ATG2B: variants seen among roughly 807,000 people sequenced by gnomAD.
The protein encoded by ATG2B is autophagy-related protein 2 homolog B.
In ATG2B, 121 loss-of-function variants were observed where a neutral mutation model predicts 241.3. That is an observed-to-expected ratio of 0.50 (90% CI 0.43 to 0.58). The LOEUF (loss-of-function observed/expected upper bound fraction) is 0.58. Ranked by LOEUF, ATG2B falls within the 20% of genes least tolerant of loss-of-function variation. ATG2B has a pLI of 0.00. For missense variants in ATG2B, 2,306 were observed against 2,491.6 expected (o/e 0.93, Z 1.59); for synonymous variants, 858 against 876.6 (o/e 0.98, Z 0.37).
chr14:96,341,114 C>T (rs1026118032), intron 6 of ATG2B, among the ~76,000 whole-genome samples: 2 of 152,052 alleles, frequency 1.3e-5, no homozygotes. Context: ...ATTATAAAAA[C>T]ATCTTCTACA....
chr14:96,295,762 C>A (rs1487885637), intron 34 of ATG2B, among the ~76,000 whole-genome samples: 1 of 151,230 alleles, frequency 6.6e-6, no homozygotes, highest in Non-Finnish European at 1.5e-5. Flanking sequence ...CAGATACACA[C>A]TTCCCTTTTA....
At chr14:96,325,282 A>C (rs887766767) in intron 15 of ATG2B, among the ~76,000 whole-genome samples, 1 of 152,198 alleles carries the variant, frequency 6.6e-6, no homozygotes, top group Non-Finnish European at 1.5e-5. Context: ...GACTAAAAAA[A>C]CAAGAAAATG....
At chr14:96,287,587 A>G (rs762244130) in intron 41 of ATG2B, among the ~76,000 whole-genome samples, 1 of 152,208 alleles carries the variant, frequency 6.6e-6, no homozygotes, top group Non-Finnish European at 1.5e-5. Context: ...CCTTCCTCCT[A>G]CGGTGATTGT....
chr14:96,328,293 AC>A lies in ATG2B; in HGVS notation c.2163+53del, dbSNP rs1887635791. 3 of 1,244,732 alleles carry A rather than the reference AC, an allele frequency of 2.4e-6. No individual in the cohort carries two copies. In the Admixed American group the frequency reaches 6.5e-5, roughly 27 times the overall value. The allele number at this position is 1,244,732 out of a possible 1,614,324, so 77.1% of individuals were successfully genotyped here. On this transcript the variant is annotated intron_variant, in intron 14 of 41. Coordinates refer to ENST00000359933, the MANE Select transcript of ATG2B (RefSeq NM_018036.7). ...CTTAAGTTCAGAAATTATCTCAATAACCCTATTAGCTAACCATAATTATGAT... is the reference window on the plus strand; with the variant it reads ...CTTAAGTTCAGAAATTATCTCAATAACCTATTAGCTAACCATAATTATGAT...
At chr14:96,291,980 A>G (rs777320742) in intron 37 of ATG2B, 49 bp downstream of exon 37, 4 of 1,266,822 alleles carry the variant, frequency 3.2e-6, no homozygotes, top group Non-Finnish European at 4.5e-6. Flanking sequence ...CGAGCTCATT[A>G]GAGAAACATA....
intron 1 of ATG2B, among the ~76,000 whole-genome samples, chr14:96,359,165 A>T (rs1223019397): frequency 6.6e-6 from 1 of 152,042 alleles, no homozygotes; most frequent in Non-Finnish European, 1.5e-5. Flanking sequence ...TGAGTCCAGG[A>T]GTTCAAGACC....
At chr14:96,304,389 C>T (rs1886874741) in intron 32 of ATG2B, 106 bp downstream of exon 32, 1 of 732,748 alleles carries the variant, frequency 1.4e-6, no homozygotes, top group Admixed American at 2.4e-5. Context: ...CTTTTCCAAT[C>T]CAAAGGGTTG....
intron 14 of ATG2B, among the ~76,000 whole-genome samples, chr14:96,326,149 TA>T (rs761993658): frequency 6.6e-6 from 1 of 152,052 alleles, no homozygotes; most frequent in Non-Finnish European, 1.5e-5. Flanking sequence ...AACTCTGAAA[TA>T]AAAAATTAAA....
chr14:96,330,553 C>A (rs961132855), intron 11 of ATG2B, among the ~76,000 whole-genome samples: 1 of 152,030 alleles, frequency 6.6e-6, no homozygotes, highest in Admixed American at 6.5e-5. Context: ...CACTGGAGGG[C>A]AGGAGTTCGA....
At chr14:96,321,886 C>T (rs1887465895) in intron 18 of ATG2B, among the ~76,000 whole-genome samples, 1 of 152,130 alleles carries the variant, frequency 6.6e-6, no homozygotes, top group Non-Finnish European at 1.5e-5. Flanking sequence ...CAGCCAACCT[C>T]AGGGCTGAGG....
intron 18 of ATG2B, among the ~76,000 whole-genome samples, chr14:96,319,276 G>A (rs993083569): frequency 1.3e-5 from 2 of 152,030 alleles, no homozygotes; most frequent in African/African-American, 2.4e-5. Flanking sequence ...TAGTACTATC[G>A]AATATTGGAT....
At chr14:96,344,377 C>T (rs957406720) in intron 4 of ATG2B, among the ~76,000 whole-genome samples, 2 of 152,128 alleles carry the variant, frequency 1.3e-5, no homozygotes, top group Admixed American at 1.3e-4. Context: ...TTCAGTGGCA[C>T]TCAAATGCTT....
At chr14:96,287,356 G>C (rs571655194) in intron 41 of ATG2B, among the ~76,000 whole-genome samples, 1 of 151,374 alleles carries the variant, frequency 6.6e-6, no homozygotes, top group Non-Finnish European at 1.5e-5. Context: ...GAAACCATGA[G>C]CACAACAATG....
At chr14:96,339,551 A>C (rs1263177850) in intron 6 of ATG2B, among the ~76,000 whole-genome samples, 1 of 152,064 alleles carries the variant, frequency 6.6e-6, no homozygotes, top group East Asian at 1.9e-4. Context: ...CATAAAAAGG[A>C]ACAAAATAAT....
intron 34 of ATG2B, 50 bp downstream of exon 34, chr14:96,301,957 A>G (rs747907180): frequency 4.6e-6 from 6 of 1,317,820 alleles, no homozygotes; most frequent in Admixed American, 1.8e-5. Flanking sequence ...TATTCTGAAC[A>G]TGCAGTCTAA....
chr14:96,348,655 G>A (rs72704896), intron 1 of ATG2B, among the ~76,000 whole-genome samples: 29,958 of 150,372 alleles, frequency 0.2, 3,805 homozygotes, highest in Non-Finnish European at 0.27. Flanking sequence ...CTGGGCGACA[G>A]GGGACTCCAT....
Position 96,295,529 on chromosome 14 carries a change from G to T in ATG2B, c.5171C>A (p.Thr1724Lys). 6.2e-7 allele frequency: 1 copy of T among 1,606,098 alleles called. No homozygotes were observed. Among genetic ancestry groups the T allele is most frequent in the Non-Finnish European group, 8.5e-7 (1 of 1,177,120 alleles). ...AAGCTCTACTTCTGCAGAAAGACTT[G>T]TGAAGAAATCCTTCAGGAAGAACAA... is the stretch of plus-strand genomic sequence containing the variant. ...DALFFLKDFF[T>K]SLSAEVELQM... is the part of the protein sequence containing the mutation. Residue 1724 changes from threonine (T) to lysine (K), a missense_variant, in exon 35 of 42, where the codon ACA becomes AAA. Physicochemically the swap from Thr to Lys is moderately conservative, Grantham distance 78. This residue lies in a region of ATG2B where 379 missense variants were observed against 480.4 expected (regional missense o/e 0.79). Transcript: ENST00000359933.
At chr14:96,308,203 T>A (rs1887009441) in intron 29 of ATG2B, among the ~76,000 whole-genome samples, 1 of 131,384 alleles carries the variant, frequency 7.6e-6, no homozygotes, top group African/African-American at 2.9e-5. Context: ...TATATACATA[T>A]ATATATAAAT....
rs142585085 is a variant in ATG2B at position 96,314,981 on chromosome 14, G to T, written c.3642+173C>A. Among the ~76,000 whole-genome samples, 9,232 of 152,326 alleles carry T rather than the reference G, an allele frequency of 0.061. 396 individuals carry two copies. Among genetic ancestry groups the T allele is most frequent in the Non-Finnish European group, 0.1 (6,789 of 68,034 alleles). ...GCTGGGATTACAGGCATGAGCCACC[G>T]TGCCCGGCCAATACTGTTCTATTTC... On this transcript the variant is annotated intron_variant, in intron 23 of 41. Transcript: ENST00000359933.
Sources: allele counts gnomAD v4.1 joint callset (sites outside exome capture counted in the v4.1 genomes callset), GRCh38; gene constraint gnomAD v4.1.1; regional missense constraint gnomAD v4.1.1; transcripts MANE v1.5; gene names NCBI Gene and HGNC (gene_info 2026-07-23, HGNC 2026-07-21).